The following XKR5 variants were observed in gnomAD, a reference collection of about 807,000 sequenced individuals.
The protein encoded by XKR5 is XK-related protein 5.
A neutral mutation model predicts 40.8 loss-of-function variants in XKR5; 46 were observed. The ratio of observed to expected loss-of-function variants is 1.13; its 90% CI spans 0.89 to 1.44. The LOEUF (loss-of-function observed/expected upper bound fraction) is 1.44, where lower values mean the gene tolerates loss of function less well. XKR5 is among the 40% of genes most tolerant of loss of function. XKR5 has a pLI of 0.00. For missense variants in XKR5, 1,169 were observed against 844.7 expected, an observed-to-expected ratio of 1.38 and a Z score of -4.76; for synonymous variants, 466 against 356.1, an observed-to-expected ratio of 1.31 and a Z score of -3.48.
intron 3 of XKR5, among the ~76,000 whole-genome samples, chr8:6,824,844 GA>G (rs1381501915): frequency 2.0e-5 from 3 of 152,164 alleles, no homozygotes; most frequent in African/African-American, 4.8e-5. Flanking sequence ...AATGATTAAA[GA>G]CACAAGAAAA....
At chr8:6,826,125 G>T (rs543290085) in intron 2 of XKR5, among the ~76,000 whole-genome samples, 15 of 152,286 alleles carry the variant, frequency 9.8e-5, no homozygotes, top group African/African-American at 3.1e-4. Context: ...CACATGTGGT[G>T]TACATGTGCT....
chr8:6,822,972 C>T (rs912975042), intron 4 of XKR5, among the ~76,000 whole-genome samples: 2 of 152,186 alleles, frequency 1.3e-5, no homozygotes, highest in Non-Finnish European at 1.5e-5. Context: ...CCTTGTACCT[C>T]CCTCCTGTTT....
In XKR5 at chr8:6,811,230, G is replaced by A. The variant is rs1425835194; in HGVS notation, c.2029C>T (p.Gln677Ter). 3 of 1,537,228 alleles carry A rather than the reference G, an allele frequency of 2.0e-6. No individual in the cohort carries two copies. The highest frequency in any genetic ancestry group is 1.7e-4 in the Middle Eastern group (1 of 5,988). Residue 677 changes from glutamine (Q) to a stop codon, truncating the protein, a stop_gained, in exon 7 of 7, where the codon CAG becomes TAG. Coordinates refer to ENST00000618742, the MANE Select transcript of XKR5 (RefSeq NM_207411.5). LOFTEE classifies it low-confidence loss of function (END_TRUNC). ...SIQTDCSCRE[Q>*]MKQEPSFFI Reference sequence around the variant, plus strand: ...AAAAAACTCGGCTCTTGCTTCATCTGTTCCCTGCAGCTGCAGTCCGTTTGG... The same window carrying A: ...AAAAAACTCGGCTCTTGCTTCATCTATTCCCTGCAGCTGCAGTCCGTTTGG...
rs770241879 is a variant in XKR5 at position 6,823,583 on chromosome 8, G to A, written c.575C>T (p.Thr192Ile). ...QQLWRMGMLG[T>I]RVLSLVLFYK... Reference sequence around the variant, plus strand: ...GAACAGAACCAGACTCAGCACGCGGGTTCCCAACATGCCCATCCTCCAGAG... The same window carrying A: ...GAACAGAACCAGACTCAGCACGCGGATTCCCAACATGCCCATCCTCCAGAG... The change falls in exon 4 of 7, where the codon ACC (threonine) becomes ATC (isoleucine). Residue 192 changes from threonine (T) to isoleucine (I), a missense_variant. Physicochemically the swap from Thr to Ile is moderately conservative, Grantham distance 89. Coordinates refer to ENST00000618742, the MANE Select transcript of XKR5 (RefSeq NM_207411.5). 1.3e-6 allele frequency: 2 copies of A among 1,597,048 alleles called. No individual in the cohort carries two copies. The highest frequency in any genetic ancestry group is 2.3e-5 in the East Asian group (1 of 44,144).
Position 6,817,417 on chromosome 8 carries a change from C to G in XKR5, c.808-1499G>C, listed in dbSNP as rs556379925. 2.0e-5 allele frequency among the ~76,000 whole-genome samples: 3 copies of G among 152,298 alleles called. No homozygotes were observed. The East Asian group carries it at 5.8e-4, about 29-fold the overall frequency. ...AGTCTTTCCTCAACCAAACTCCAGT[C>G]AGCCTTCTCTGAGCCTTCTTTTCCA... On this transcript the variant is annotated intron_variant, in intron 5 of 6. Transcript: ENST00000618742.
In XKR5 at chr8:6,808,710, C is replaced by G. The variant is rs1328748963; in HGVS notation, c.*2488G>C. The G allele has an allele frequency of 6.6e-6, 1 of 152,188 alleles. No homozygotes were observed. The highest frequency in any genetic ancestry group is 1.5e-5 in the Non-Finnish European group (1 of 68,050). The allele number at this position is 152,188 out of a possible 1,614,324, so 9.4% of individuals were successfully genotyped here. The stretch of plus-strand genomic sequence containing the variant: ...TTCTGCATACTCAGTGCCTGTCATA[C>G]TCAACTAATATTCCTTAAATGAATG... On this transcript the variant is annotated 3_prime_UTR_variant, in exon 7 of 7. Coordinates refer to ENST00000618742, the MANE Select transcript of XKR5 (RefSeq NM_207411.5).
chr8:6,834,677 C>G (rs550664055), intron 1 of XKR5, among the ~76,000 whole-genome samples: 2 of 151,186 alleles, frequency 1.3e-5, no homozygotes, highest in East Asian at 3.9e-4. Context: ...ACCCCCTCTT[C>G]CACCCCAGGG....
Position 6,832,900 on chromosome 8 carries a change from C to T in XKR5, c.59G>A (p.Arg20His), listed in dbSNP as rs781613311. ...ALLQAAEQSARLYTVAYYFTT... is the reference protein window; with the variant it reads ...ALLQAAEQSAHLYTVAYYFTT... ...GAAGTAGTAAGCCACGGTGTAAAGG[C>T]CTGGGTGAGAAGGGGAAAGGCAAGC... The change falls in exon 2 of 7, where the codon CGC becomes CAC. Residue 20 changes from arginine to histidine, a missense_variant and splice_region_variant. Coordinates refer to ENST00000618742, the MANE Select transcript of XKR5 (RefSeq NM_207411.5). 1 of 1,564,996 alleles carries T rather than the reference C, an allele frequency of 6.4e-7. No individual in the cohort carries two copies. The highest frequency in any genetic ancestry group is 8.6e-7 in the Non-Finnish European group (1 of 1,158,536).
At chr8:6,831,833 G>A (rs1247517984) in intron 2 of XKR5, among the ~76,000 whole-genome samples, 1 of 152,064 alleles carries the variant, frequency 6.6e-6, no homozygotes, top group African/African-American at 2.4e-5. Flanking sequence ...GGCTAACCCA[G>A]TGAAACCCTG....
At chr8:6,834,000 T>C (rs945956146) in intron 1 of XKR5, among the ~76,000 whole-genome samples, 3 of 152,166 alleles carry the variant, frequency 2.0e-5, no homozygotes, top group Non-Finnish European at 4.4e-5. Context: ...CCGCAGTCAG[T>C]AACTCCGCAC....
At chr8:6,819,877 T>C (rs12546038) in intron 5 of XKR5, among the ~76,000 whole-genome samples, 45 of 115,632 alleles carry the variant, frequency 3.9e-4, no homozygotes, top group South Asian at 3.3e-3. Context: ...CCCTCCCTCC[T>C]TCCTTCCTTC....
chr8:6,823,459 C>T (rs1223467994), intron 4 of XKR5, 62 bp downstream of exon 4: 2 of 1,506,412 alleles, frequency 1.3e-6, no homozygotes, highest in African/African-American at 1.4e-5. Flanking sequence ...ATTCTTGAGA[C>T]CTTCATTTCT....
Position 6,825,262 on chromosome 8 carries a change from CGACAGGTCGG to C in XKR5, c.320_329del (p.Ala107GlyfsTer24). 6.2e-7 allele frequency: 1 copy of C among 1,611,434 alleles called. No individual in the cohort carries two copies. Among genetic ancestry groups the C allele is most frequent in the Admixed American group, 1.7e-5 (1 of 59,582 alleles). On this transcript the variant is annotated frameshift_variant, in exon 3 of 7. Coordinates refer to ENST00000618742, the MANE Select transcript of XKR5 (RefSeq NM_207411.5). LOFTEE classifies it high-confidence loss of function. ...GCAGGGCCTCCAAGAGTCGAAGGGC[CGACAGGTCGG>C]CCTCCTGCAGCTGCAGCCAGCCTCG... is the stretch of plus-strand genomic sequence containing the variant.
intron 2 of XKR5, among the ~76,000 whole-genome samples, chr8:6,828,378 C>A (rs1018478148): frequency 2.0e-5 from 3 of 152,072 alleles, no homozygotes; most frequent in African/African-American, 4.8e-5. Flanking sequence ...CTGGGAATAG[C>A]GAATATCTGG....
In XKR5 at chr8:6,815,801, A is replaced by G; in HGVS notation, c.919+6T>C. ...ATGCAGAGAAGAAGGTGACATTGGG[A>G]CTTACCAATCAGAAATCCAGACAGG... On this transcript the variant is annotated splice_donor_region_variant and intron_variant, in intron 6 of 6. Coordinates refer to ENST00000618742, the MANE Select transcript of XKR5 (RefSeq NM_207411.5). The G allele has an allele frequency of 6.3e-7, 1 of 1,583,318 alleles. No individual in the cohort carries two copies. Among genetic ancestry groups the G allele is most frequent in the Non-Finnish European group, 8.6e-7 (1 of 1,161,024 alleles).
intron 2 of XKR5, among the ~76,000 whole-genome samples, chr8:6,827,987 G>A (rs1804592796): frequency 2.0e-5 from 3 of 152,168 alleles, no homozygotes; most frequent in South Asian, 4.2e-4. Flanking sequence ...AGGATCACTT[G>A]AGCCCAGAAG....
intron 3 of XKR5, among the ~76,000 whole-genome samples, 152 bp from the exon 4 acceptor site, chr8:6,823,882 C>T (rs1175340778): frequency 6.6e-6 from 1 of 152,198 alleles, no homozygotes; most frequent in African/African-American, 2.4e-5. Flanking sequence ...ACCACTTTGA[C>T]CAGTAGGTAA....
Position 6,812,172 on chromosome 8 carries a change from A to G in XKR5, c.1087T>C (p.Ser363Pro), listed in dbSNP as rs374942375. ...LAGKRTESSG[S>P]CQGASYEPTI... ...GGTTCATAACTTGCCCCTTGGCATG[A>G]GCCTGAGCTCTCGGTTCTCTTCCCA... The change falls in exon 7 of 7, where the codon TCA becomes CCA. Residue 363 changes from serine to proline, a missense_variant. Physicochemically the swap from Ser to Pro is moderately conservative, Grantham distance 74. Coordinates refer to ENST00000618742, the MANE Select transcript of XKR5 (RefSeq NM_207411.5). The G allele has an allele frequency of 1.3e-5, 20 of 1,551,570 alleles. No homozygotes were observed. In the African/African-American group the frequency reaches 2.6e-4, roughly 20 times the overall value.
intron 1 of XKR5, among the ~76,000 whole-genome samples, chr8:6,833,296 C>T (rs889736973): frequency 3.3e-5 from 5 of 152,348 alleles, no homozygotes; most frequent in Admixed American, 6.5e-5. Flanking sequence ...AGCGTCTGGC[C>T]TCAACTTCCC....
Sources: allele counts gnomAD v4.1 joint callset (sites outside exome capture counted in the v4.1 genomes callset), GRCh38; gene constraint gnomAD v4.1.1; transcripts MANE v1.5; gene names NCBI Gene and HGNC (gene_info 2026-07-23, HGNC 2026-07-21).